The following FHIT variants were observed in gnomAD, a reference collection of about 807,000 sequenced individuals.
FHIT encodes bis(5'-adenosyl)-triphosphatase.
Under a neutral mutation model 17.9 loss-of-function variants are expected in FHIT, and 19 were observed. That is an observed-to-expected ratio of 1.06 (90% CI 0.74 to 1.56). The LOEUF (loss-of-function observed/expected upper bound fraction) is 1.56. FHIT is among the 40% of genes most tolerant of loss of function. The probability of loss-of-function intolerance (pLI) is 0.00; values close to 1 mark genes in which losing one functional copy is unlikely to be tolerated. For missense variants in FHIT, 248 were observed against 189.2 expected, an observed-to-expected ratio of 1.31 and a Z score of -1.82; for synonymous variants, 81 against 69.7, an observed-to-expected ratio of 1.16 and a Z score of -0.81.
At chr3:60,181,522 A>G (rs1353763319) in intron 5 of FHIT, among the ~76,000 whole-genome samples, 1 of 152,190 alleles carries the variant, frequency 6.6e-6, no homozygotes, top group Admixed American at 6.5e-5. Context: ...CCAAGGATAT[A>G]TAGCTATAGG....
intron 5 of FHIT, among the ~76,000 whole-genome samples, chr3:60,262,677 A>T (rs1706363621): frequency 6.6e-6 from 1 of 151,838 alleles, no homozygotes; most frequent in African/African-American, 2.4e-5. Flanking sequence ...AACTCTTTTT[A>T]CCCCTAAAAC....
chr3:61,012,910 G>T (rs1434487839), intron 3 of FHIT, among the ~76,000 whole-genome samples: 2 of 151,772 alleles, frequency 1.3e-5, no homozygotes, highest in Non-Finnish European at 2.9e-5. Flanking sequence ...ACAAATGAAT[G>T]AAATATGACT....
At chr3:59,916,042 A>T (rs1057437585) in intron 8 of FHIT, among the ~76,000 whole-genome samples, 1 of 152,094 alleles carries the variant, frequency 6.6e-6, no homozygotes, top group African/African-American at 2.4e-5. Flanking sequence ...AAGTATTGTT[A>T]CTGGGTGTGT....
chr3:59,833,437 C>A (rs1250291807), intron 8 of FHIT, among the ~76,000 whole-genome samples: 1 of 152,126 alleles, frequency 6.6e-6, no homozygotes, highest in Non-Finnish European at 1.5e-5. Context: ...CATCAAAGAT[C>A]GCTGGCAAAC....
intron 5 of FHIT, among the ~76,000 whole-genome samples, chr3:60,073,861 C>A (rs1348637970): frequency 6.6e-6 from 1 of 152,116 alleles, no homozygotes; most frequent in East Asian, 1.9e-4. Flanking sequence ...ACTGCTACTT[C>A]CTAACAAGTT....
chr3:60,869,574 G>A (rs918297100), intron 3 of FHIT, among the ~76,000 whole-genome samples: 1 of 152,154 alleles, frequency 6.6e-6, no homozygotes, highest in African/African-American at 2.4e-5. Flanking sequence ...CTTGGGGTGG[G>A]AGATGGGGCA....
intron 4 of FHIT, among the ~76,000 whole-genome samples, chr3:60,557,052 T>G (rs2036765577): frequency 6.6e-6 from 1 of 152,230 alleles, no homozygotes; most frequent in Admixed American, 6.5e-5. Context: ...TTAACCATAC[T>G]AATAAGAGCT....
intron 5 of FHIT, among the ~76,000 whole-genome samples, chr3:60,491,217 A>G (rs1034975271): frequency 1.3e-5 from 2 of 152,204 alleles, no homozygotes; most frequent in African/African-American, 4.8e-5. Context: ...TTACATTTCA[A>G]GAAAGAAATG....
intron 4 of FHIT, among the ~76,000 whole-genome samples, chr3:60,575,497 G>T (rs2037534751): frequency 1.3e-5 from 2 of 152,100 alleles, no homozygotes; most frequent in Non-Finnish European, 2.9e-5. Flanking sequence ...GGAAACTGTA[G>T]AAACAGGCTT....
intron 7 of FHIT, among the ~76,000 whole-genome samples, chr3:60,006,634 A>G (rs1699934781): frequency 6.6e-6 from 1 of 151,354 alleles, no homozygotes; most frequent in Non-Finnish European, 1.5e-5. Context: ...ATTCAATATA[A>G]TAGATAGGGT....
chr3:60,609,470 T>C (rs1167509244), intron 4 of FHIT, among the ~76,000 whole-genome samples: 1 of 152,006 alleles, frequency 6.6e-6, no homozygotes, highest in Non-Finnish European at 1.5e-5. Context: ...GGATTACAGG[T>C]GTGTGCCACC....
At chr3:60,555,924 T>A (rs778785489) in intron 4 of FHIT, among the ~76,000 whole-genome samples, 1 of 152,198 alleles carries the variant, frequency 6.6e-6, no homozygotes, top group Non-Finnish European at 1.5e-5. Context: ...TTCACTTTGG[T>A]CTTATGATTC....
chr3:59,833,492 G>A (rs1316105071), intron 8 of FHIT, among the ~76,000 whole-genome samples: 1 of 152,124 alleles, frequency 6.6e-6, no homozygotes, highest in African/African-American at 2.4e-5. Flanking sequence ...TCCTCTACAG[G>A]CTACAGAGAG....
chr3:60,987,503 A>G (rs2029862935), intron 3 of FHIT, among the ~76,000 whole-genome samples: 1 of 152,220 alleles, frequency 6.6e-6, no homozygotes, highest in Non-Finnish European at 1.5e-5. Context: ...AGATACTTTT[A>G]GTTAATTTAG....
At chr3:59,832,354 A>G (rs1411078294) in intron 8 of FHIT, among the ~76,000 whole-genome samples, 1 of 152,110 alleles carries the variant, frequency 6.6e-6, no homozygotes, top group South Asian at 2.1e-4. Context: ...TCATTGTGCT[A>G]GGTTCTGTTT....
At chr3:60,609,646 G>A (rs1257319648) in intron 4 of FHIT, among the ~76,000 whole-genome samples, 6 of 152,054 alleles carry the variant, frequency 3.9e-5, no homozygotes, top group Non-Finnish European at 8.8e-5. Flanking sequence ...GCTTCTTATG[G>A]AAAAGCATTC....
At chr3:59,762,229 C>T (rs942438599) in intron 8 of FHIT, among the ~76,000 whole-genome samples, 2 of 152,096 alleles carry the variant, frequency 1.3e-5, no homozygotes, top group Non-Finnish European at 2.9e-5. Context: ...GAACGTTGTA[C>T]AATGAAAACT....
rs145045074 is a variant in FHIT at position 61,212,028 on chromosome 3, G to C, written c.-212-11363C>G. Among the ~76,000 whole-genome samples, 249 of 152,274 alleles carry C rather than the reference G, an allele frequency of 1.6e-3. 5 individuals are homozygous for C. The highest frequency in any genetic ancestry group is 0.012 in the Admixed American group (178 of 15,296). On this transcript the variant is annotated intron_variant, in intron 1 of 9. Transcript: ENST00000492590. ...ACATAACCATCATGAAAGACCAAAA[G>C]TAGATAAAACCACAAAGATGGGAAA...
intron 4 of FHIT, among the ~76,000 whole-genome samples, chr3:60,790,636 T>C: frequency 6.7e-6 from 1 of 148,430 alleles, no homozygotes; most frequent in South Asian, 2.1e-4. Context: ...TGAACATTAA[T>C]GTACCTTAAA....
Sources: allele counts gnomAD v4.1 joint callset (sites outside exome capture counted in the v4.1 genomes callset), GRCh38; gene constraint gnomAD v4.1.1; transcripts MANE v1.5; gene names NCBI Gene and HGNC (gene_info 2026-07-23, HGNC 2026-07-21).